The following TET3 variants were observed in gnomAD, a reference collection of about 807,000 sequenced individuals.
TET3 encodes the protein methylcytosine dioxygenase TET3.
A neutral mutation model predicts 141.4 loss-of-function variants in TET3; 19 were observed. That is an observed-to-expected ratio of 0.13 (90% confidence interval 0.09 to 0.20). The LOEUF (loss-of-function observed/expected upper bound fraction) is 0.20, where lower values mean the gene tolerates loss of function less well. TET3 is among the 10% of genes least tolerant of loss of function. TET3 has a pLI of 1.00. For missense variants in TET3, 1,874 were observed against 2,356.9 expected (o/e 0.80, Z 4.24); for synonymous variants, 1,043 against 980.9 (o/e 1.06, Z -1.18).
rs541294886 is a variant in TET3 at position 74,088,912 on chromosome 2, C to T, written c.2888+874C>T. On this transcript the variant is annotated intron_variant, in intron 7 of 11. Transcript: ENST00000409262. ...CCTGGCCATCATGGCGAAACCCTGT[C>T]TTTACTAAAAATATAAAAATTAGCC... Among the ~76,000 whole-genome samples the T allele has an allele frequency of 7.2e-5, 11 of 152,072 alleles. No individual in the cohort carries two copies. In the East Asian group the frequency reaches 2.1e-3, roughly 30 times the overall value.
At chr2:74,038,320 A>G (rs1023110365) in intron 3 of TET3, among the ~76,000 whole-genome samples, 1 of 152,166 alleles carries the variant, frequency 6.6e-6, no homozygotes, top group Admixed American at 6.5e-5. Context: ...CCTGCCTCTC[A>G]GTCTCCTAGT....
In TET3 at chr2:74,100,469, C is replaced by T. The variant is rs1201966096; in HGVS notation, c.3681C>T (p.Ser1227=). Residue 1227 remains serine (S), a synonymous_variant, in exon 12 of 12, where the codon AGC becomes AGT. Transcript: ENST00000409262. ...SLKVEPQNHF[S]SFKYSGNAVV... is the part of the protein sequence containing the mutation. The stretch of plus-strand genomic sequence containing the variant: ...AGGTGGAGCCGCAGAACCACTTCAG[C>T]TCCTTCAAGTACAGCGGCAACGCGG... 6.3e-7 allele frequency: 1 copy of T among 1,591,598 alleles called. No homozygotes were observed. Among genetic ancestry groups the T allele is most frequent in the Non-Finnish European group, 8.6e-7 (1 of 1,169,254 alleles).
At chr2:74,088,339 G>A (rs182769166) in intron 7 of TET3, among the ~76,000 whole-genome samples, 6 of 152,186 alleles carry the variant, frequency 3.9e-5, no homozygotes, top group East Asian at 1.9e-4. Flanking sequence ...AGAAGGTATC[G>A]AAGATATTTA....
chr2:74,022,401 A>G (rs962823298), intron 3 of TET3, among the ~76,000 whole-genome samples: 1 of 149,846 alleles, frequency 6.7e-6, no homozygotes, highest in Non-Finnish European at 1.5e-5. Context: ...CTTTTAATGT[A>G]TGTTTGGGGG....
rs116487015 is a variant in TET3 at position 74,026,110 on chromosome 2, G to C, written c.361-20168G>C. Among the ~76,000 whole-genome samples the C allele has an allele frequency of 7.5e-3, 1,146 of 152,156 alleles. 11 individuals are homozygous for C. Among genetic ancestry groups the C allele is most frequent in the African/African-American group, 0.027 (1,107 of 41,498 alleles). ...GAAGCTGCCTTCTGCTCTCCCCTTTGCCCCTCTGTAATACCAGGCCACAGC... is the reference window on the plus strand; with the variant it reads ...GAAGCTGCCTTCTGCTCTCCCCTTTCCCCCTCTGTAATACCAGGCCACAGC... On this transcript the variant is annotated intron_variant, in intron 3 of 11. Coordinates refer to ENST00000409262, the MANE Select transcript of TET3 (RefSeq NM_001287491.2).
chr2:74,067,825 G>A (rs537454521), intron 4 of TET3, among the ~76,000 whole-genome samples: 1 of 152,382 alleles, frequency 6.6e-6, no homozygotes, highest in East Asian at 1.9e-4. Flanking sequence ...GTGTGGCAGA[G>A]CCCTTAGTGG....
chr2:73,995,406 T>A (rs1416248561), intron 2 of TET3, among the ~76,000 whole-genome samples: 2 of 152,200 alleles, frequency 1.3e-5, no homozygotes, highest in African/African-American at 2.4e-5. Context: ...TTTGAAAATT[T>A]CAGCCAAATG....
chr2:74,011,325 C>A (rs1685424267), intron 3 of TET3, among the ~76,000 whole-genome samples: 1 of 151,850 alleles, frequency 6.6e-6, no homozygotes, highest in African/African-American at 2.4e-5. Context: ...AGAGTAAATG[C>A]CTGTGTAATC....
chr2:74,127,163 A>G, the TET3 span, among the ~76,000 whole-genome samples: 2 of 152,192 alleles, frequency 1.3e-5, no homozygotes, highest in Admixed American at 6.5e-5. Flanking sequence ...AAATGAGGGG[A>G]TCAGAAGCTG....
At chr2:74,071,894 C>G (rs897217912) in intron 4 of TET3, among the ~76,000 whole-genome samples, 1 of 152,174 alleles carries the variant, frequency 6.6e-6, no homozygotes, top group Non-Finnish European at 1.5e-5. Context: ...AAAATTCATC[C>G]ATGTTGTTAC....
intron 4 of TET3, among the ~76,000 whole-genome samples, chr2:74,060,716 G>A (rs1273017027): frequency 6.6e-6 from 1 of 152,022 alleles, no homozygotes; most frequent in African/African-American, 2.4e-5. Flanking sequence ...ATTAGGGAGT[G>A]GTGATGACTC....
chr2:74,078,522 T>C (rs539096559), intron 5 of TET3, among the ~76,000 whole-genome samples: 1 of 152,350 alleles, frequency 6.6e-6, no homozygotes, highest in Non-Finnish European at 1.5e-5. Context: ...TGAAAATTGA[T>C]ATTTTTTGTG....
chr2:74,046,219 A>G lies in TET3; in HGVS notation c.361-59A>G. On this transcript the variant is annotated intron_variant, in intron 3 of 11. Transcript: ENST00000409262. This position sits in a 1 kb window ranked among gnomAD's most constrained non-coding sequence, Gnocchi z 4.3. ...CACCTGAGTGGTATGAAGCAGGGAA[A>G]TGCTTTTCAAATAGTGTGGTTCATT... 6.9e-7 allele frequency: 1 copy of G among 1,440,866 alleles called. No homozygotes were observed. The highest frequency in any genetic ancestry group is 9.2e-7 in the Non-Finnish European group (1 of 1,090,978). 89.3% of individuals were successfully genotyped at this position (1,440,866 alleles called of 1,614,324 possible).
the TET3 span, among the ~76,000 whole-genome samples, chr2:74,128,747 G>T: frequency 6.6e-6 from 1 of 150,968 alleles, no homozygotes; most frequent in Non-Finnish European, 1.5e-5. Flanking sequence ...ACTTTGGGAG[G>T]CCAAGGCAGG....
chr2:74,102,121 C>T lies in TET3; in HGVS notation c.5333C>T (p.Thr1778Ile). Residue 1778 changes from threonine (T) to isoleucine (I), a missense_variant, in exon 12 of 12, where the codon ACC becomes ATC. Around this residue, in one of 10 missense-constraint regions of TET3, gnomAD observed 113 missense variants for 114.3 expected, o/e 0.99. Coordinates refer to ENST00000409262, the MANE Select transcript of TET3 (RefSeq NM_001287491.2). ...GCTGTGCCCACAGACTCGGCGGTCA[C>T]CGTGTCCTCCTATGCCTACACGAAG... is the stretch of plus-strand genomic sequence containing the variant. ...ALAVPTDSAV[T>I]VSSYAYTKVT... 6.7e-7 allele frequency: 1 copy of T among 1,489,504 alleles called. No homozygotes were observed. Among genetic ancestry groups the T allele is most frequent in the Admixed American group, 2.5e-5 (1 of 40,580 alleles). The allele number at this position is 1,489,504 out of a possible 1,614,324, so 92.3% of individuals were successfully genotyped here.
intron 10 of TET3, among the ~76,000 whole-genome samples, chr2:74,096,415 A>G (rs1690830377): frequency 1.3e-5 from 2 of 152,356 alleles, no homozygotes; most frequent in South Asian, 2.1e-4. Context: ...ATAAAACACC[A>G]TAATAACAAT....
At chr2:74,064,988 A>G (rs1688804946) in intron 4 of TET3, among the ~76,000 whole-genome samples, 2 of 152,222 alleles carry the variant, frequency 1.3e-5, no homozygotes, top group African/African-American at 4.8e-5. Flanking sequence ...CATGTTGTTC[A>G]AGAGTCAACT....
intron 2 of TET3, among the ~76,000 whole-genome samples, chr2:73,992,991 C>T (rs1226417206): frequency 1.3e-5 from 2 of 152,160 alleles, no homozygotes; most frequent in African/African-American, 4.8e-5. Flanking sequence ...GACTTAAAGT[C>T]ATCTTAGAGA....
intron 3 of TET3, among the ~76,000 whole-genome samples, chr2:74,036,866 T>C (rs550595722): frequency 4.1e-4 from 63 of 152,234 alleles, no homozygotes; most frequent in African/African-American, 1.5e-3. Context: ...CTCAGGGAAT[T>C]AGGCCCATTT....
Sources: gnomAD v4.1 joint callset for allele counts (sites outside exome capture counted in the v4.1 genomes callset) on GRCh38, gnomAD v4.1.1 for gene constraint, gnomAD v4.1.1 regional missense constraint, Gnocchi (gnomAD v3.1) non-coding constraint, MANE v1.5 for transcripts, NCBI Gene and HGNC (gene_info 2026-07-23, HGNC 2026-07-21) for gene names.